The following AUTS2 variants were observed in gnomAD, a reference collection of about 807,000 sequenced individuals.
AUTS2 encodes autism susceptibility gene 2 protein.
AUTS2 carries 17 observed loss-of-function variants against 112.4 expected under a neutral mutation model. That is an observed-to-expected ratio of 0.15 (90% CI 0.10 to 0.23). The LOEUF (loss-of-function observed/expected upper bound fraction) is 0.23. Among genes scored for constraint, AUTS2 ranks in the 10% least tolerant of loss-of-function variants. AUTS2 has a pLI of 1.00. For synonymous variants in AUTS2, 751 were observed against 702.7 expected, an observed-to-expected ratio of 1.07 and a Z score of -1.09; for missense variants, 1,510 against 1,701.6, an observed-to-expected ratio of 0.89 and a Z score of 1.98.
In AUTS2 at chr7:69,834,821, G is replaced by A. The variant is rs151303060; in HGVS notation, c.310-64465G>A. Among the ~76,000 whole-genome samples the A allele has an allele frequency of 6.1e-3, 931 of 152,290 alleles. 9 individuals carry two copies. The highest frequency in any genetic ancestry group is 0.016 in the East Asian group (84 of 5,170). ...CTATAACATTTCCTTTTGAGCTTGG[G>A]CCTGAAGCAGCCAAATGCTGTAACC... On this transcript the variant is annotated intron_variant, in intron 1 of 18. Transcript: ENST00000342771.
At chr7:70,002,804 G>T (rs970297224) in intron 2 of AUTS2, among the ~76,000 whole-genome samples, 1 of 151,996 alleles carries the variant, frequency 6.6e-6, no homozygotes, top group Non-Finnish European at 1.5e-5. Flanking sequence ...TTTGCCCAGA[G>T]TCACAGATAC....
intron 4 of AUTS2, among the ~76,000 whole-genome samples, chr7:70,359,606 G>A (rs1232558375): frequency 3.3e-5 from 5 of 152,100 alleles, no homozygotes; most frequent in Admixed American, 1.3e-4. Context: ...GCTCTTGAGG[G>A]ATCTAATCCA....
At chr7:69,653,187 C>A (rs1432641257) in intron 1 of AUTS2, among the ~76,000 whole-genome samples, 1 of 152,126 alleles carries the variant, frequency 6.6e-6, no homozygotes, top group Non-Finnish European at 1.5e-5. Context: ...CATTTATTGT[C>A]CCACCTGGGC....
At chr7:69,645,141 A>C (rs1295216395) in intron 1 of AUTS2, among the ~76,000 whole-genome samples, 2 of 148,220 alleles carry the variant, frequency 1.3e-5, no homozygotes, top group East Asian at 2.0e-4. Context: ...CAAACTTCTG[A>C]CCTCAAGTGA....
chr7:70,621,871 A>T, intron 5 of AUTS2, among the ~76,000 whole-genome samples: 1 of 92,860 alleles, frequency 1.1e-5, no homozygotes, highest in African/African-American at 4.6e-5. Context: ...TTTTTGGAGA[A>T]ATGGAGTCTC....
intron 5 of AUTS2, among the ~76,000 whole-genome samples, chr7:70,696,003 G>T (rs781332689): frequency 6.6e-6 from 1 of 151,708 alleles, no homozygotes; most frequent in East Asian, 2.0e-4. Flanking sequence ...TGGGCTCGCC[G>T]CTTTTCCATT....
At chr7:69,743,046 A>G (rs1333566000) in intron 1 of AUTS2, among the ~76,000 whole-genome samples, 4 of 152,166 alleles carry the variant, frequency 2.6e-5, no homozygotes, top group African/African-American at 9.7e-5. Context: ...CAACACTTTG[A>G]TGCTTGTCTT....
At chr7:70,785,316 T>G (rs548997811) in intron 16 of AUTS2, 1 of 593,716 alleles carries the variant, frequency 1.7e-6, no homozygotes, top group African/African-American at 1.8e-5. Context: ...AATCCGAGTT[T>G]ACAACAGCCT....
At chr7:69,893,329 A>G (rs1272097291) in intron 1 of AUTS2, among the ~76,000 whole-genome samples, 2 of 152,170 alleles carry the variant, frequency 1.3e-5, no homozygotes, top group African/African-American at 4.8e-5. Context: ...GAACATATCT[A>G]TCTAGTTACT....
chr7:69,911,306 C>T (rs1205886773), intron 2 of AUTS2, among the ~76,000 whole-genome samples: 1 of 152,120 alleles, frequency 6.6e-6, no homozygotes, highest in East Asian at 1.9e-4. Context: ...TTGGAGATAC[C>T]AGGAACCACA....
At chr7:69,705,873 C>T (rs1798044535) in intron 1 of AUTS2, among the ~76,000 whole-genome samples, 1 of 152,048 alleles carries the variant, frequency 6.6e-6, no homozygotes, top group Admixed American at 6.6e-5. Context: ...ATGGTCTTCC[C>T]TCTAGGTGCA....
intron 5 of AUTS2, among the ~76,000 whole-genome samples, chr7:70,543,346 A>G (rs1312138096): frequency 1.3e-5 from 2 of 152,034 alleles, no homozygotes; most frequent in Non-Finnish European, 2.9e-5. Context: ...TACTAAAAAT[A>G]CAAAAATTAG....
chr7:70,365,101 C>A (rs1057504485), intron 4 of AUTS2, among the ~76,000 whole-genome samples: 2 of 152,116 alleles, frequency 1.3e-5, no homozygotes, highest in Non-Finnish European at 2.9e-5. Context: ...GAAAAAAATT[C>A]TTTCTGCTCT....
chr7:70,585,092 A>G (rs1802621105), intron 5 of AUTS2, among the ~76,000 whole-genome samples: 1 of 152,192 alleles, frequency 6.6e-6, no homozygotes, highest in Non-Finnish European at 1.5e-5. Flanking sequence ...TGTGTTGGTA[A>G]CCAGTTGGGA....
chr7:70,374,850 G>A (rs752381246), intron 4 of AUTS2, among the ~76,000 whole-genome samples: 17 of 152,164 alleles, frequency 1.1e-4, no homozygotes, highest in Non-Finnish European at 2.4e-4. Flanking sequence ...GGACATGTGC[G>A]TGCACACAGA....
chr7:70,324,699 G>A (rs1009595120), intron 4 of AUTS2, among the ~76,000 whole-genome samples: 2 of 152,208 alleles, frequency 1.3e-5, no homozygotes, highest in Admixed American at 6.5e-5. Context: ...GGTTTGGTGT[G>A]GTCTAAGAAA....
At chr7:70,718,532 G>A (rs556121650) in intron 6 of AUTS2, among the ~76,000 whole-genome samples, 1 of 152,186 alleles carries the variant, frequency 6.6e-6, no homozygotes, top group African/African-American at 2.4e-5. Context: ...GTGTGGTGGC[G>A]CACACCTTTG....
chr7:69,765,944 C>A (rs960040130), intron 1 of AUTS2, among the ~76,000 whole-genome samples: 6 of 151,934 alleles, frequency 3.9e-5, no homozygotes, highest in African/African-American at 1.5e-4. Context: ...GAGACCCTGT[C>A]TCAAAAAAAG....
chr7:69,632,902 G>A lies in AUTS2; in HGVS notation c.309+32940G>A, dbSNP rs573218124. 3.9e-5 allele frequency among the ~76,000 whole-genome samples: 6 copies of A among 152,056 alleles called. No homozygotes were observed. In the South Asian group the frequency reaches 1.3e-3, roughly 32 times the overall value. On this transcript the variant is annotated intron_variant, in intron 1 of 18. Coordinates refer to ENST00000342771, the MANE Select transcript of AUTS2 (RefSeq NM_015570.4). Reference sequence around the variant, plus strand: ...TATTTGTAAGATATATAAGATTATAGGATGCATAGAGATAGTAAAAAGGTT... The same window carrying A: ...TATTTGTAAGATATATAAGATTATAAGATGCATAGAGATAGTAAAAAGGTT...
Sources: gnomAD v4.1 joint callset for allele counts (sites outside exome capture counted in the v4.1 genomes callset) on GRCh38, gnomAD v4.1.1 for gene constraint, MANE v1.5 for transcripts, NCBI Gene and HGNC (gene_info 2026-07-23, HGNC 2026-07-21) for gene names.